Variants in DEPTOR observed in about 807,000 individuals in gnomAD.
The protein encoded by DEPTOR is DEP domain containing MTOR interacting protein, also known as DEP domain-containing mTOR-interacting protein.
DEPTOR carries 41 observed loss-of-function variants against 41.6 expected under a neutral mutation model. The ratio of observed to expected loss-of-function variants is 0.98; its 90% CI spans 0.77 to 1.28. The LOEUF is 1.28. DEPTOR is among the 50% of genes most tolerant of loss of function. The pLI is 0.00. For synonymous variants in DEPTOR, 195 were observed against 192.3 expected (o/e 1.01, Z -0.12); for missense variants, 514 against 527.9 (o/e 0.97, Z 0.26).
chr8:119,911,223 G>A (rs1827731645), intron 1 of DEPTOR, among the ~76,000 whole-genome samples: 1 of 151,684 alleles, frequency 6.6e-6, no homozygotes, highest in South Asian at 2.1e-4. Context: ...CTGTGAACCA[G>A]CCTGAGCTAC....
At chr8:120,046,598 G>A (rs941442247) in intron 8 of DEPTOR, among the ~76,000 whole-genome samples, 6 of 151,966 alleles carry the variant, frequency 3.9e-5, no homozygotes, top group Non-Finnish European at 7.4e-5. Flanking sequence ...CCTTTCATCT[G>A]TCTTTTTAAA....
intron 8 of DEPTOR, among the ~76,000 whole-genome samples, chr8:120,021,633 A>G (rs1812717016): frequency 6.6e-6 from 1 of 152,176 alleles, no homozygotes; most frequent in Non-Finnish European, 1.5e-5. Flanking sequence ...AGTCTATGTA[A>G]TCACATGTTT....
intron 6 of DEPTOR, among the ~76,000 whole-genome samples, chr8:120,003,806 C>G (rs1199659914): frequency 6.6e-6 from 1 of 152,158 alleles, no homozygotes; most frequent in African/African-American, 2.4e-5. Flanking sequence ...TACTTAGAAA[C>G]AATCCTTCCT....
intron 8 of DEPTOR, among the ~76,000 whole-genome samples, chr8:120,024,888 G>A (rs952911619): frequency 6.6e-6 from 1 of 152,176 alleles, no homozygotes; most frequent in African/African-American, 2.4e-5. Context: ...AATAATGGGG[G>A]TTCTATTAGA....
intron 8 of DEPTOR, 130 bp from the exon 9 acceptor site, chr8:120,049,446 G>C: frequency 9.6e-7 from 1 of 1,041,506 alleles, no homozygotes; most frequent in Non-Finnish European, 1.3e-6. Flanking sequence ...TTGAATTGGA[G>C]TCGTCAGCTG....
intron 4 of DEPTOR, among the ~76,000 whole-genome samples, 170 bp downstream of exon 4, chr8:119,965,580 G>T (rs368143045): frequency 6.6e-6 from 1 of 152,180 alleles, no homozygotes; most frequent in Non-Finnish European, 1.5e-5. Flanking sequence ...TGTGCTCCAC[G>T]CCTTTCCATT....
chr8:119,981,954 C>T lies in DEPTOR; in HGVS notation c.604+16544C>T, dbSNP rs549332199. 7.9e-4 allele frequency among the ~76,000 whole-genome samples: 106 copies of T among 134,712 alleles called. No homozygotes were observed. The Middle Eastern group carries it at 0.013, about 17-fold the overall frequency. The allele number at this position is 134,712 out of a possible 152,430, so 88.4% of individuals were successfully genotyped here. ...CACTTGACCTGGGAGGCAGATGTTG[C>T]AGTGAGCCAAGATCATGCCACTGCA... On this transcript the variant is annotated intron_variant, in intron 4 of 8. Coordinates refer to ENST00000286234, the MANE Select transcript of DEPTOR (RefSeq NM_022783.4).
chr8:119,993,389 G>A (rs942439293), intron 4 of DEPTOR, among the ~76,000 whole-genome samples: 4 of 152,118 alleles, frequency 2.6e-5, no homozygotes, highest in African/African-American at 9.7e-5. Context: ...CATTTAATAC[G>A]AAGTCAAGAC....
chr8:119,924,859 A>C (rs1029483917), intron 1 of DEPTOR, among the ~76,000 whole-genome samples: 2 of 152,158 alleles, frequency 1.3e-5, no homozygotes, highest in African/African-American at 4.8e-5. Context: ...ATAGTAGGCA[A>C]TAGGTGGTTT....
At chr8:119,924,052 C>T (rs1176358991) in intron 1 of DEPTOR, among the ~76,000 whole-genome samples, 3 of 152,152 alleles carry the variant, frequency 2.0e-5, no homozygotes, top group East Asian at 1.9e-4. Flanking sequence ...CTCCTTAGCA[C>T]CTTCCTAAGT....
intron 8 of DEPTOR, among the ~76,000 whole-genome samples, chr8:120,027,478 G>T (rs1353252365): frequency 6.6e-6 from 1 of 151,618 alleles, no homozygotes; most frequent in Non-Finnish European, 1.5e-5. Context: ...GGAGAGGCGG[G>T]TGGATCACCT....
intron 8 of DEPTOR, among the ~76,000 whole-genome samples, chr8:120,041,307 T>C (rs16893460): frequency 0.012 from 1,801 of 152,274 alleles, 28 homozygotes; most frequent in African/African-American, 0.04. Context: ...AAATGTGCAA[T>C]TGAACAATCC....
At chr8:119,995,636 C>T (rs2326427) in intron 4 of DEPTOR, among the ~76,000 whole-genome samples, 23,109 of 151,564 alleles carry the variant, frequency 0.15, 2,859 homozygotes, top group African/African-American at 0.34. Flanking sequence ...CTCAAAGTTA[C>T]TCAGCATAAA....
intron 7 of DEPTOR, among the ~76,000 whole-genome samples, chr8:120,008,188 C>T (rs796559784): frequency 6.6e-6 from 1 of 152,088 alleles, no homozygotes; most frequent in African/African-American, 2.4e-5. Context: ...CACTTCTTTT[C>T]CCCCCTTGGT....
At chr8:119,929,718 A>C in intron 2 of DEPTOR, 97 bp from the exon 3 acceptor site, 1 of 1,465,976 alleles carries the variant, frequency 6.8e-7, no homozygotes, top group Non-Finnish European at 9.2e-7. Context: ...AGAATGTGAT[A>C]GTGAAATAAT....
At chr8:120,041,876 C>T (rs959194814) in intron 8 of DEPTOR, among the ~76,000 whole-genome samples, 2 of 152,118 alleles carry the variant, frequency 1.3e-5, no homozygotes, top group African/African-American at 4.8e-5. Flanking sequence ...TGCTTGGAGA[C>T]ATTACTTACC....
intron 1 of DEPTOR, among the ~76,000 whole-genome samples, chr8:119,900,958 A>G (rs113374725): frequency 6.6e-6 from 1 of 152,172 alleles, no homozygotes; most frequent in Non-Finnish European, 1.5e-5. Context: ...TGTGAAATGC[A>G]TGTTGATTGA....
intron 8 of DEPTOR, among the ~76,000 whole-genome samples, chr8:120,049,034 G>A (rs1310030001): frequency 6.6e-6 from 1 of 152,034 alleles, no homozygotes; most frequent in Non-Finnish European, 1.5e-5. Flanking sequence ...TCATGTTTAA[G>A]TTTACATCGA....
intron 4 of DEPTOR, among the ~76,000 whole-genome samples, chr8:119,990,743 T>A (rs953691866): frequency 6.6e-6 from 1 of 152,240 alleles, no homozygotes. Context: ...CTTTATGTCC[T>A]ACAATCAATT....
Sources: gnomAD v4.1 joint callset for allele counts (sites outside exome capture counted in the v4.1 genomes callset) on GRCh38, gnomAD v4.1.1 for gene constraint, MANE v1.5 for transcripts, NCBI Gene and HGNC (gene_info 2026-07-23, HGNC 2026-07-21) for gene names.